Variants in TAF15 observed in about 807,000 individuals in gnomAD.
TAF15 encodes TATA-binding protein-associated factor 2N.
Under a neutral mutation model 102.5 loss-of-function variants are expected in TAF15, and 37 were observed. That is an observed-to-expected ratio of 0.36 (90% CI 0.28 to 0.47). The LOEUF (loss-of-function observed/expected upper bound fraction) is 0.47. Among genes scored for constraint, TAF15 ranks in the 20% least tolerant of loss-of-function variants. TAF15 has a pLI of 0.99. For synonymous variants in TAF15, 273 were observed against 259.2 expected, an observed-to-expected ratio of 1.05 and a Z score of -0.51; for missense variants, 652 against 760.7, an observed-to-expected ratio of 0.86 and a Z score of 1.68.
chr17:35,835,577 ATCTT>A (rs917285544), intron 9 of TAF15, among the ~76,000 whole-genome samples: 10 of 152,338 alleles, frequency 6.6e-5, no homozygotes, highest in African/African-American at 2.4e-4. Context: ...ATTCTTATAC[ATCTT>A]TCTTTCTTTG....
intron 6 of TAF15, chr17:35,823,742 C>G: frequency 2.3e-5 from 6 of 260,034 alleles, no homozygotes; most frequent in East Asian, 1.1e-4. Context: ...TGGGGTCGTG[C>G]TTTTCATCTA....
chr17:35,824,340 GAAATT>G, intron 7 of TAF15, 142 bp downstream of exon 7: 1 of 1,113,278 alleles, frequency 9.0e-7, no homozygotes, highest in Non-Finnish European at 1.3e-6. Flanking sequence ...GAAAAAGGCA[GAAATT>G]AAAAGTGTAT....
At position 35,809,530 on chromosome 17, in the gene TAF15, C is replaced by T. The variant is rs377647731; in HGVS notation, c.-40C>T. 1 of 1,612,736 alleles carries T rather than the reference C, an allele frequency of 6.2e-7. No individual in the cohort carries two copies. The highest frequency in any genetic ancestry group is 1.1e-5 in the South Asian group (1 of 91,044). On this transcript the variant is annotated 5_prime_UTR_variant, in exon 1 of 16. Transcript: ENST00000605844. ...CCGCCTGGCTTTCGTATTCGTTGTT[C>T]TCGGCGGGCTGTGGGGCCTCCGCGC...
chr17:35,835,197 T>C (rs2087459588), intron 9 of TAF15, among the ~76,000 whole-genome samples: 2 of 152,174 alleles, frequency 1.3e-5, no homozygotes, highest in Admixed American at 1.3e-4. Context: ...TTATTTAAAA[T>C]TATTGCAAAT....
intron 1 of TAF15, chr17:35,816,775 A>G (rs1276234295): frequency 7.2e-6 from 1 of 139,006 alleles, no homozygotes; most frequent in African/African-American, 2.7e-5. Flanking sequence ...CATAGTTCAA[A>G]TTCTTTATTT....
rs1198909379 is a variant in TAF15, at chr17:35,812,444, A to C, written c.7+2868A>C. 2.6e-5 allele frequency among the ~76,000 whole-genome samples: 4 copies of C among 151,964 alleles called. No individual in the cohort carries two copies. In the East Asian group the frequency reaches 7.8e-4, roughly 29 times the overall value. ...AAACCCCATCTCTACTTAAAAAATT[A>C]AGGCATCCTACATGCCTGTAATCCC... is the stretch of plus-strand genomic sequence containing the variant. On this transcript the variant is annotated intron_variant, in intron 1 of 15. Coordinates refer to ENST00000605844, the MANE Select transcript of TAF15 (RefSeq NM_139215.3).
At chr17:35,817,506 T>A (rs886256271) in intron 1 of TAF15, among the ~76,000 whole-genome samples, 2 of 152,216 alleles carry the variant, frequency 1.3e-5, no homozygotes, top group African/African-American at 4.8e-5. Context: ...CTAGCACACA[T>A]GTAGAATAGT....
At chr17:35,811,771 A>G (rs2087126791) in intron 1 of TAF15, among the ~76,000 whole-genome samples, 1 of 152,258 alleles carries the variant, frequency 6.6e-6, no homozygotes, top group Non-Finnish European at 1.5e-5. Flanking sequence ...TTACAACGTG[A>G]ATTAGCTAAC....
intron 7 of TAF15, chr17:35,830,226 G>C (rs943141302): frequency 3.3e-5 from 5 of 151,814 alleles, no homozygotes; most frequent in Non-Finnish European, 7.4e-5. Context: ...GAGGTGGGAG[G>C]ATCACTGATG....
chr17:35,836,668 T>G (rs2087478764), intron 10 of TAF15, among the ~76,000 whole-genome samples: 1 of 152,212 alleles, frequency 6.6e-6, no homozygotes, highest in Non-Finnish European at 1.5e-5. Context: ...TGCACTATTT[T>G]CATGCATATG....
intron 8 of TAF15, 50 bp from the exon 9 acceptor site, chr17:35,834,516 T>G: frequency 1.9e-6 from 3 of 1,585,246 alleles, no homozygotes; most frequent in Non-Finnish European, 1.7e-6. Flanking sequence ...TTGTTAATGA[T>G]TTTAAATAAA....
chr17:35,836,773 G>C (rs1434174788), intron 10 of TAF15, among the ~76,000 whole-genome samples: 2 of 151,682 alleles, frequency 1.3e-5, no homozygotes. Context: ...TTTGGTGTCT[G>C]TGGAATTACT....
At chr17:35,811,064 G>C (rs576560695) in intron 1 of TAF15, 1 of 152,192 alleles carries the variant, frequency 6.6e-6, no homozygotes, top group Non-Finnish European at 1.5e-5. Context: ...TCACAAGAGT[G>C]TATCATCTAC....
chr17:35,813,575 A>G (rs2087153472), intron 1 of TAF15, among the ~76,000 whole-genome samples: 1 of 151,452 alleles, frequency 6.6e-6, no homozygotes, highest in Non-Finnish European at 1.5e-5. Context: ...AATCGAGGCT[A>G]CAGTGAGCTG....
chr17:35,814,938 T>C (rs1273238037), intron 1 of TAF15, among the ~76,000 whole-genome samples: 4 of 151,904 alleles, frequency 2.6e-5, no homozygotes, highest in Admixed American at 6.6e-5. Context: ...TCCATAGTTA[T>C]ATGGGAAGTT....
At position 35,832,090 on chromosome 17, in the gene TAF15, CA is replaced by C. The variant is rs372590905; in HGVS notation, c.606-1808del. 2.0e-5 allele frequency among the ~76,000 whole-genome samples: 3 copies of C among 150,822 alleles called. No homozygotes were observed. In the South Asian group the frequency reaches 6.3e-4, roughly 32 times the overall value. On this transcript the variant is annotated intron_variant, in intron 7 of 15. Transcript: ENST00000605844. The stretch of plus-strand genomic sequence containing the variant: ...AAGACTCCGTCTGGGAAAAAACAAA[CA>C]AAAAAAAACCTCTGAGATACCTTGG...
At chr17:35,810,751 A>C (rs2087115374) in intron 1 of TAF15, 1 of 152,222 alleles carries the variant, frequency 6.6e-6, no homozygotes, top group Non-Finnish European at 1.5e-5. Flanking sequence ...GAAATGTGTG[A>C]CTAAAATGAA....
rs2087436086 is a variant in TAF15 at position 35,833,757 on chromosome 17, G to C, written c.606-150G>C. 79 of 729,902 alleles carry C rather than the reference G, an allele frequency of 1.1e-4. No individual in the cohort carries two copies. In the South Asian group the frequency reaches 1.3e-3, roughly 12 times the overall value. The allele number at this position is 729,902 out of a possible 1,614,324, so 45.2% of individuals were successfully genotyped here. Reference sequence around the variant, plus strand: ...AACACTTAGATGGAAACAACATTTAGAACTCTGTGAAATGGAATTTACTGA... The same window carrying C: ...AACACTTAGATGGAAACAACATTTACAACTCTGTGAAATGGAATTTACTGA... On this transcript the variant is annotated intron_variant, in intron 7 of 15. Transcript: ENST00000605844.
chr17:35,844,376 A>G lies in TAF15; in HGVS notation c.1177+8A>G, dbSNP rs1356531791. The G allele has an allele frequency of 6.2e-7, 1 of 1,613,980 alleles. No homozygotes were observed. Among genetic ancestry groups the G allele is most frequent in the Admixed American group, 1.7e-5 (1 of 60,026 alleles). Reference sequence around the variant, plus strand: ...CTCGTCCCTCAGGAGGAGGTGGGTCAGCCTTTTAATAGCATCTGCATCGTG... The same window carrying G: ...CTCGTCCCTCAGGAGGAGGTGGGTCGGCCTTTTAATAGCATCTGCATCGTG... On this transcript the variant is annotated splice_region_variant and intron_variant, in intron 14 of 15. Coordinates refer to ENST00000605844, the MANE Select transcript of TAF15 (RefSeq NM_139215.3).
Sources: gnomAD v4.1 joint callset for allele counts (sites outside exome capture counted in the v4.1 genomes callset) on GRCh38, gnomAD v4.1.1 for gene constraint, MANE v1.5 for transcripts, NCBI Gene and HGNC (gene_info 2026-07-23, HGNC 2026-07-21) for gene names.